Variants in FBXL17 observed in about 807,000 individuals in gnomAD.
The protein encoded by FBXL17 is F-box and leucine rich repeat protein 17, also known as F-box/LRR-repeat protein 17.
In FBXL17, 22 loss-of-function variants were observed where a neutral mutation model predicts 66.2. That is an observed-to-expected ratio of 0.33 (90% CI 0.24 to 0.47). The LOEUF (loss-of-function observed/expected upper bound fraction) is 0.47, where lower values mean the gene tolerates loss of function less well. Ranked by LOEUF, FBXL17 falls within the 20% of genes least tolerant of loss-of-function variation. FBXL17 has a pLI of 1.00. For missense variants in FBXL17, 878 were observed against 948.2 expected (o/e 0.93, Z 0.97); for synonymous variants, 474 against 400.5 (o/e 1.18, Z -2.19).
intron 7 of FBXL17, among the ~76,000 whole-genome samples, chr5:107,904,658 T>G (rs1006530571): frequency 6.6e-6 from 1 of 152,084 alleles, no homozygotes; most frequent in Non-Finnish European, 1.5e-5. Flanking sequence ...GTAAGTAATA[T>G]CCACTGACAG....
intron 7 of FBXL17, among the ~76,000 whole-genome samples, chr5:108,017,169 A>G (rs1295986843): frequency 1.3e-5 from 2 of 152,198 alleles, no homozygotes; most frequent in Admixed American, 1.3e-4. Flanking sequence ...AAAGAAAAGC[A>G]CAAGGGGAGC....
intron 4 of FBXL17, among the ~76,000 whole-genome samples, chr5:108,331,938 T>C (rs13174270): frequency 6.6e-6 from 1 of 152,056 alleles, no homozygotes; most frequent in Admixed American, 6.5e-5. Flanking sequence ...CTGAAATAAT[T>C]TGATGTGAAA....
chr5:107,922,036 G>A (rs1172121381), intron 7 of FBXL17, among the ~76,000 whole-genome samples: 1 of 152,142 alleles, frequency 6.6e-6, no homozygotes, highest in East Asian at 1.9e-4. Flanking sequence ...AGCGATGTTG[G>A]GAAAGACAGA....
intron 7 of FBXL17, among the ~76,000 whole-genome samples, chr5:107,977,203 C>A (rs1752613019): frequency 6.6e-6 from 1 of 152,206 alleles, no homozygotes; most frequent in South Asian, 2.1e-4. Flanking sequence ...TAGTAAACTG[C>A]ACATGTTCCA....
At chr5:108,317,430 CA>C (rs1411811407) in intron 4 of FBXL17, among the ~76,000 whole-genome samples, 1 of 150,394 alleles carries the variant, frequency 6.6e-6, no homozygotes, top group East Asian at 1.9e-4. Context: ...CTGATTTGAT[CA>C]TTACACATTG....
intron 5 of FBXL17, among the ~76,000 whole-genome samples, chr5:108,205,351 C>A (rs1754074820): frequency 6.6e-6 from 1 of 152,098 alleles, no homozygotes; most frequent in Admixed American, 6.5e-5. Context: ...GTGTCTCTTA[C>A]TGATAAAAAT....
In FBXL17 at chr5:108,117,260, T is replaced by C. The variant is rs954890537; in HGVS notation, c.1745+68857A>G. On this transcript the variant is annotated intron_variant, in intron 6 of 8. Transcript: ENST00000542267. ...ATTTGTAAGGCTGCCTTCCCAGAGA[T>C]TGAGAGTGCTTGGGAAAATTAAGCA... Among the ~76,000 whole-genome samples, 14 of 152,296 alleles carry C rather than the reference T, an allele frequency of 9.2e-5. No individual in the cohort carries two copies. In the East Asian group the frequency reaches 2.3e-3, roughly 25 times the overall value.
At chr5:107,873,693 A>G (rs1312539259) in intron 8 of FBXL17, among the ~76,000 whole-genome samples, 1 of 152,218 alleles carries the variant, frequency 6.6e-6, no homozygotes, top group East Asian at 1.9e-4. Flanking sequence ...AGCTCTGTTG[A>G]GGAATTGCTG....
intron 6 of FBXL17, among the ~76,000 whole-genome samples, chr5:108,083,218 A>AACACACCCACAC (rs1748835411): frequency 6.9e-6 from 1 of 144,500 alleles, no homozygotes; most frequent in Non-Finnish European, 1.5e-5. Context: ...CTCACCTCAG[A>AACACACCCACAC]ACACACACAC....
intron 6 of FBXL17, among the ~76,000 whole-genome samples, chr5:108,180,184 C>T (rs1580565496): frequency 6.6e-6 from 1 of 152,248 alleles, no homozygotes; most frequent in African/African-American, 2.4e-5. Context: ...AAGTTTGCAA[C>T]TTCAAATGGT....
intron 6 of FBXL17, among the ~76,000 whole-genome samples, chr5:108,054,618 T>C (rs1393594058): frequency 1.3e-5 from 2 of 152,078 alleles, no homozygotes; most frequent in Non-Finnish European, 2.9e-5. Flanking sequence ...GGGTTAAGAG[T>C]AGGGTCACAA....
chr5:108,361,429 T>C (rs1748328403), intron 3 of FBXL17, among the ~76,000 whole-genome samples: 1 of 152,114 alleles, frequency 6.6e-6, no homozygotes, highest in African/African-American at 2.4e-5. Flanking sequence ...TTCACAACTC[T>C]GCCTTGGCCT....
chr5:108,038,027 T>C (rs1746911269), intron 6 of FBXL17, among the ~76,000 whole-genome samples: 1 of 152,130 alleles, frequency 6.6e-6, no homozygotes, highest in Non-Finnish European at 1.5e-5. Flanking sequence ...GATGATTAGC[T>C]AAATACAGAA....
In FBXL17 at chr5:107,994,320, A is replaced by G. The variant is rs144139559; in HGVS notation, c.1822+26605T>C. Among the ~76,000 whole-genome samples the G allele has an allele frequency of 1.3e-3, 199 of 152,192 alleles. 3 individuals carry two copies. Among genetic ancestry groups the G allele is most frequent in the Admixed American group, 0.012 (184 of 15,280 alleles). On this transcript the variant is annotated intron_variant, in intron 7 of 8. Transcript: ENST00000542267. ...TTTTTTTTTCTTCTTACCATTGATA[A>G]CATGTTTTCTTGCTAATACACTGCT...
intron 6 of FBXL17, among the ~76,000 whole-genome samples, chr5:108,046,417 G>A (rs1747256527): frequency 6.6e-6 from 1 of 152,096 alleles, no homozygotes; most frequent in South Asian, 2.1e-4. Context: ...CTTTTAATTG[G>A]AATAGTTAGA....
At chr5:107,920,770 C>T (rs1019882969) in intron 7 of FBXL17, among the ~76,000 whole-genome samples, 6 of 152,054 alleles carry the variant, frequency 3.9e-5, no homozygotes, top group Admixed American at 1.3e-4. Context: ...AGTACCTAAT[C>T]CTGCAATAAA....
chr5:108,379,110 T>A (rs1477732593), intron 1 of FBXL17, among the ~76,000 whole-genome samples: 1 of 152,202 alleles, frequency 6.6e-6, no homozygotes. Flanking sequence ...ATAGGATAAG[T>A]TTATTTTATT....
chr5:108,339,050 G>C (rs1345774888), intron 4 of FBXL17, among the ~76,000 whole-genome samples: 5 of 152,128 alleles, frequency 3.3e-5, no homozygotes, highest in African/African-American at 9.6e-5. Context: ...TAAAATGATG[G>C]AAAAAGTGCA....
At chr5:108,310,033 T>C (rs964876199) in intron 4 of FBXL17, among the ~76,000 whole-genome samples, 1 of 152,148 alleles carries the variant, frequency 6.6e-6, no homozygotes, top group African/African-American at 2.4e-5. Flanking sequence ...AATATTATTC[T>C]ATAAGTTAAA....
Sources: allele counts gnomAD v4.1 joint callset (sites outside exome capture counted in the v4.1 genomes callset), GRCh38; gene constraint gnomAD v4.1.1; transcripts MANE v1.5; gene names NCBI Gene and HGNC (gene_info 2026-07-23, HGNC 2026-07-21).